ST8SIA5: variants seen among roughly 807,000 people sequenced by gnomAD.
The protein encoded by ST8SIA5 is ST8 alpha-N-acetyl-neuraminide alpha-2,8-sialyltransferase 5, also known as alpha-2,8-sialyltransferase 8E.
A neutral mutation model predicts 40.2 loss-of-function variants in ST8SIA5; 24 were observed. That is an observed-to-expected ratio of 0.60 (90% CI 0.43 to 0.84). The LOEUF (loss-of-function observed/expected upper bound fraction) is 0.84, where lower values mean the gene tolerates loss of function less well. ST8SIA5 is among the 40% of genes least tolerant of loss of function. ST8SIA5 has a pLI of 0.00. For missense variants in ST8SIA5, 465 were observed against 498.5 expected (o/e 0.93, Z 0.64); for synonymous variants, 198 against 201.8 (o/e 0.98, Z 0.16).
chr18:46,745,758 C>T (rs1346094356), intron 1 of ST8SIA5, among the ~76,000 whole-genome samples: 1 of 152,124 alleles, frequency 6.6e-6, no homozygotes, highest in East Asian at 1.9e-4. Context: ...GGCAGAGACA[C>T]AACCAAAAAG....
In ST8SIA5 at chr18:46,704,288, T is replaced by C. The variant is rs572454178; in HGVS notation, c.224+284A>G. 2.0e-5 allele frequency among the ~76,000 whole-genome samples: 3 copies of C among 152,312 alleles called. No individual in the cohort carries two copies. In the East Asian group the frequency reaches 5.8e-4, roughly 29 times the overall value. ...TCTACACAAGAGGAGCCAGTAATGA[T>C]AATCAGAGACCAGTAATTGAGGCGG... On this transcript the variant is annotated intron_variant, in intron 2 of 6. Transcript: ENST00000315087.
chr18:46,745,721 G>A (rs1292910111), intron 1 of ST8SIA5, among the ~76,000 whole-genome samples: 1 of 152,146 alleles, frequency 6.6e-6, no homozygotes, highest in Non-Finnish European at 1.5e-5. Context: ...ATTTTATGAG[G>A]CCAGAATCAT....
At chr18:46,711,825 G>C (rs1050061370) in intron 1 of ST8SIA5, among the ~76,000 whole-genome samples, 1 of 152,196 alleles carries the variant, frequency 6.6e-6, no homozygotes, top group Non-Finnish European at 1.5e-5. Context: ...TCCATGGCCC[G>C]GCTCAGCAGC....
intron 1 of ST8SIA5, among the ~76,000 whole-genome samples, chr18:46,741,345 C>G (rs2040084745): frequency 6.6e-6 from 1 of 152,076 alleles, no homozygotes; most frequent in South Asian, 2.1e-4. Context: ...AGAAATGGAT[C>G]AGTAACTTGA....
chr18:46,692,292 T>G, intron 2 of ST8SIA5, 37 bp from the exon 3 acceptor site: 2 of 1,597,866 alleles, frequency 1.3e-6, no homozygotes, highest in Non-Finnish European at 1.7e-6. Context: ...ATGAGCAGGG[T>G]AGGCGGGACA....
chr18:46,705,686 C>T (rs12607312), intron 1 of ST8SIA5, among the ~76,000 whole-genome samples: 23,556 of 152,260 alleles, frequency 0.15, 1,964 homozygotes, highest in South Asian at 0.23. Context: ...CTCCTCCTGG[C>T]GGTTGTTCAG....
At chr18:46,751,736 A>T (rs1009388080) in intron 1 of ST8SIA5, among the ~76,000 whole-genome samples, 4 of 152,198 alleles carry the variant, frequency 2.6e-5, no homozygotes, top group Admixed American at 6.5e-5. Context: ...ACATTAGAGT[A>T]CATTTCTCGT....
At chr18:46,726,670 T>G (rs9961625) in intron 1 of ST8SIA5, among the ~76,000 whole-genome samples, 114,459 of 151,240 alleles carry the variant, frequency 0.76, 43,553 homozygotes, top group East Asian at 1. Context: ...TGTAATCCCA[T>G]CACTTTGGGA....
At chr18:46,702,467 A>T (rs1026133306) in intron 2 of ST8SIA5, among the ~76,000 whole-genome samples, 2 of 152,158 alleles carry the variant, frequency 1.3e-5, no homozygotes, top group Admixed American at 1.3e-4. Context: ...ATGAAGCCCC[A>T]CATGGTCTGG....
At chr18:46,741,931 C>T (rs1285068842) in intron 1 of ST8SIA5, among the ~76,000 whole-genome samples, 1 of 151,572 alleles carries the variant, frequency 6.6e-6, no homozygotes, top group African/African-American at 2.4e-5. Context: ...GTGAAATCCC[C>T]TCTCTACTAA....
intron 1 of ST8SIA5, among the ~76,000 whole-genome samples, chr18:46,746,617 C>G (rs2040143176): frequency 6.6e-6 from 1 of 152,140 alleles, no homozygotes; most frequent in Admixed American, 6.5e-5. Flanking sequence ...TAGGAAGAAT[C>G]AATATCATGA....
At chr18:46,751,986 C>A (rs1267903161) in intron 1 of ST8SIA5, among the ~76,000 whole-genome samples, 1 of 152,172 alleles carries the variant, frequency 6.6e-6, no homozygotes, top group Non-Finnish European at 1.5e-5. Flanking sequence ...CCCGCTCCCT[C>A]CCAGACACGC....
chr18:46,738,009 A>T (rs188997167), intron 1 of ST8SIA5, among the ~76,000 whole-genome samples: 263 of 152,146 alleles, frequency 1.7e-3, no homozygotes, highest in African/African-American at 6.3e-3. Flanking sequence ...GACCTCAGGT[A>T]ATCTGCCCAC....
chr18:46,691,566 T>C (rs1358170163), intron 3 of ST8SIA5: 4 of 152,860 alleles, frequency 2.6e-5, no homozygotes, highest in Admixed American at 2.6e-4. Context: ...AAGTTCACCA[T>C]CCATCAAAAA....
chr18:46,730,443 A>T, intron 1 of ST8SIA5: 1 of 168,018 alleles, frequency 6.0e-6, no homozygotes, highest in Non-Finnish European at 1.2e-5. Flanking sequence ...TATTTAACCC[A>T]ATGTTTGCAT....
intron 6 of ST8SIA5, 35 bp downstream of exon 6, chr18:46,681,937 T>C: frequency 6.2e-7 from 1 of 1,608,020 alleles, no homozygotes. Flanking sequence ...GGCTACCATT[T>C]TGGACAGTGC....
At chr18:46,736,839 AC>A (rs2040039390) in intron 1 of ST8SIA5, among the ~76,000 whole-genome samples, 1 of 151,158 alleles carries the variant, frequency 6.6e-6, no homozygotes, top group Non-Finnish European at 1.5e-5. Flanking sequence ...AACCCCCAGA[AC>A]CCCCACAGTG....
chr18:46,729,788 T>C (rs1244992083), intron 1 of ST8SIA5, among the ~76,000 whole-genome samples: 1 of 152,186 alleles, frequency 6.6e-6, no homozygotes, highest in African/African-American at 2.4e-5. Flanking sequence ...TGTTAGGAGA[T>C]ACTGCTGCTG....
chr18:46,743,645 G>A (rs976935719), intron 1 of ST8SIA5, among the ~76,000 whole-genome samples: 1 of 152,144 alleles, frequency 6.6e-6, no homozygotes, highest in Non-Finnish European at 1.5e-5. Context: ...CAGTCTTCAG[G>A]ATATTATCCA....
Sources: gnomAD v4.1 joint callset for allele counts (sites outside exome capture counted in the v4.1 genomes callset) on GRCh38, gnomAD v4.1.1 for gene constraint, MANE v1.5 for transcripts, NCBI Gene and HGNC (gene_info 2026-07-23, HGNC 2026-07-21) for gene names.